The following MUC3A variants were observed in gnomAD, a reference collection of about 807,000 sequenced individuals.
The protein encoded by MUC3A is mucin 3A, cell surface associated.
MUC3A carries 109 observed loss-of-function variants against 109.0 expected under a neutral mutation model. The ratio of observed to expected loss-of-function variants is 1.00; its 90% CI spans 0.86 to 1.17. The LOEUF is 1.17. MUC3A is among the 50% of genes most tolerant of loss of function. MUC3A has a pLI of 0.00. For missense variants in MUC3A, 3,537 were observed against 2,469.4 expected, an observed-to-expected ratio of 1.43 and a Z score of -9.16; for synonymous variants, 1,398 against 981.4, an observed-to-expected ratio of 1.42 and a Z score of -7.93.
intron 1 of MUC3A, among the ~76,000 whole-genome samples, 168 bp downstream of exon 1, chr7:100,949,853 G>A (rs62483689): frequency 0.88 from 131,212 of 149,088 alleles, 56,847 homozygotes; most frequent in East Asian, 1. Flanking sequence ...GGAGGGGGCG[G>A]TGAGGAGAGG....
At position 100,966,728 on chromosome 7, in the gene MUC3A, G is replaced by C. The variant is rs767267111; in HGVS notation, c.9862G>C (p.Glu3288Gln). The C allele has an allele frequency of 1.3e-6, 2 of 1,598,554 alleles. No homozygotes were observed. Among genetic ancestry groups the C allele is most frequent in the Non-Finnish European group, 1.7e-6 (2 of 1,179,832 alleles). ...VVGTFSNWGF[E>Q]DDGTDKDTNF... ...GGGCACTTTTTCAAACTGGGGTTTC[G>C]AGGACGACGGAACAGGTGAGTCCTG... Residue 3288 changes from glutamate to glutamine, a missense_variant, in exon 10 of 12, where the codon GAG becomes CAG. Coordinates refer to ENST00000379458, the MANE Select transcript of MUC3A (RefSeq NM_005960.2).
chr7:100,960,020 T>C lies in MUC3A; in HGVS notation c.8241T>C (p.Ser2747=), dbSNP rs113329327. ...ATTSTSSTSS[S]LTTALTEITP... ...CCAGCACTTCTTCAACCAGCTCCTC[T>C]CTGACCACAGCTCTCACTGAAATAA... The change falls in exon 2 of 12, where the codon TCT becomes TCC. Residue 2747 remains serine (S), a synonymous_variant. Transcript: ENST00000379458. 0.034 allele frequency: 50,745 copies of C among 1,490,928 alleles called. No homozygotes were observed. The highest frequency in any genetic ancestry group is 0.26 in the African/African-American group (17,175 of 66,146). The allele number at this position is 1,490,928 out of a possible 1,614,324, so 92.4% of individuals were successfully genotyped here.
In MUC3A at chr7:100,961,696, C is replaced by G. The variant is rs532592050; in HGVS notation, c.9052+759C>G. Among the ~76,000 whole-genome samples the G allele has an allele frequency of 2.6e-5, 4 of 152,420 alleles. No homozygotes were observed. In the East Asian group the frequency reaches 7.7e-4, roughly 29 times the overall value. ...GGGCATGGTGGCAGATGCCTAAATC[C>G]TCACTATTCAGGAGGCTGAGGCAGG... is the stretch of plus-strand genomic sequence containing the variant. On this transcript the variant is annotated intron_variant, in intron 3 of 11. Transcript: ENST00000379458.
chr7:100,952,478 T>G lies in MUC3A; in HGVS notation c.699T>G (p.Thr233=). 1 of 1,598,498 alleles carries G rather than the reference T, an allele frequency of 6.3e-7. No individual in the cohort carries two copies. Among genetic ancestry groups the G allele is most frequent in the African/African-American group, 1.3e-5 (1 of 75,074 alleles). The part of the protein sequence containing the change: ...TRTTERTPLP[T]GSIHTTTSPT... ...CCACAGAAAGGACTCCCCTGCCCACTGGAAGCATCCATACAACCACGTCCC... is the reference window on the plus strand; with the variant it reads ...CCACAGAAAGGACTCCCCTGCCCACGGGAAGCATCCATACAACCACGTCCC... Residue 233 remains threonine, a synonymous_variant, in exon 2 of 12, where the codon ACT becomes ACG. Transcript: ENST00000379458.
At position 100,966,569 on chromosome 7, in the gene MUC3A, C is replaced by CGGGGGGT; in HGVS notation, c.9785+16_9785+17insTGGGGGG. 6.6e-7 allele frequency: 1 copy of CGGGGGGT among 1,504,734 alleles called. No individual in the cohort carries two copies. The highest frequency in any genetic ancestry group is 8.8e-7 in the Non-Finnish European group (1 of 1,135,814). 93.2% of individuals were successfully genotyped at this position (1,504,734 alleles called of 1,614,324 possible). ...GCCAGCGCCGAGGCCGGTGAGCGTG[C>CGGGGGGT]GGGGGGCGGGGCCGGGGGGCGAGGG... On this transcript the variant is annotated intron_variant, in intron 9 of 11. Coordinates refer to ENST00000379458, the MANE Select transcript of MUC3A (RefSeq NM_005960.2).
Position 100,959,961 on chromosome 7 carries a change from A to G in MUC3A, c.8182A>G (p.Thr2728Ala), listed in dbSNP as rs752069677. ...AGAAAATGTGGGCTCCGCTTCTATC[A>G]CAGGCTTTCCTAGTCTCTCTTCCTC... ...STENVGSASI[T>A]GFPSLSSSAT... Residue 2728 changes from threonine to alanine, a missense_variant, in exon 2 of 12, where the codon ACA becomes GCA. Thr to Ala is a moderately conservative substitution (Grantham distance 58). Coordinates refer to ENST00000379458, the MANE Select transcript of MUC3A (RefSeq NM_005960.2). The G allele has an allele frequency of 6.6e-6, 10 of 1,509,936 alleles. No homozygotes were observed. Among genetic ancestry groups the G allele is most frequent in the South Asian group, 1.3e-5 (1 of 74,812 alleles). The allele number at this position is 1,509,936 out of a possible 1,614,324, so 93.5% of individuals were successfully genotyped here.
At chr7:100,966,605 G>A (rs777297420) in intron 9 of MUC3A, 46 bp downstream of exon 9, 327 of 1,597,646 alleles carry the variant, frequency 2.0e-4, no homozygotes, top group Non-Finnish European at 3.0e-5. Flanking sequence ...CAGCCAAGGG[G>A]TCCCAGGCGG....
In MUC3A at chr7:100,952,384, C is replaced by T; in HGVS notation, c.605C>T (p.Thr202Ile). Residue 202 changes from threonine to isoleucine, a missense_variant, in exon 2 of 12, where the codon ACA (threonine) becomes ATA (isoleucine). Thr to Ile is a moderately conservative substitution (Grantham distance 89). Transcript: ENST00000379458. ...TTTARETPIV[T>I]VTPSSVSATD... Reference sequence around the variant, plus strand: ...ACTGCAAGGGAAACTCCCATAGTGACAGTGACACCCTCCTCTGTGTCAGCC... The same window carrying T: ...ACTGCAAGGGAAACTCCCATAGTGATAGTGACACCCTCCTCTGTGTCAGCC... The T allele has an allele frequency of 6.3e-7, 1 of 1,598,526 alleles. No individual in the cohort carries two copies. The highest frequency in any genetic ancestry group is 1.3e-5 in the African/African-American group (1 of 75,066).
chr7:100,967,705 C>T lies in MUC3A; in HGVS notation c.*543C>T. The T allele has an allele frequency of 4.9e-6, 1 of 204,110 alleles. No individual in the cohort carries two copies. Among genetic ancestry groups the T allele is most frequent in the Non-Finnish European group, 1.0e-5 (1 of 99,998 alleles). The allele number at this position is 204,110 out of a possible 1,614,324, so 12.6% of individuals were successfully genotyped here. ...ATCTAACTCCCTGCTGCATCTCTTGCTCTCATTCCTTAGACGTCCTCCCCT... is the reference window on the plus strand; with the variant it reads ...ATCTAACTCCCTGCTGCATCTCTTGTTCTCATTCCTTAGACGTCCTCCCCT... On this transcript the variant is annotated 3_prime_UTR_variant, in exon 12 of 12. Transcript: ENST00000379458.
intron 8 of MUC3A, 143 bp from the exon 9 acceptor site, chr7:100,966,243 A>AGACCCGCCCGCTTG: frequency 1.2e-6 from 1 of 827,614 alleles, no homozygotes; most frequent in Non-Finnish European, 1.6e-6. Flanking sequence ...TCTAGGGTGG[A>AGACCCGCCCGCTTG]TTCCCAGCCC....
Position 100,952,368 on chromosome 7 carries a change from GA to G in MUC3A, c.592del (p.Thr198LeufsTer3). ...TTCTCCCTCTACCACCACTGCAAGG[GA>G]AACTCCCATAGTGACAGTGACACCC... Reference protein sequence around the residue: ...TSSPSTTTARETPIVTVTPSS... With the variant: ...TSSPSTTTARXTPIVTVTPSS... On this transcript the variant is annotated frameshift_variant, in exon 2 of 12. Transcript: ENST00000379458. LOFTEE classifies it high-confidence loss of function. 6.3e-7 allele frequency: 1 copy of G among 1,598,520 alleles called. No homozygotes were observed. The highest frequency in any genetic ancestry group is 8.5e-7 in the Non-Finnish European group (1 of 1,179,766).
At chr7:100,949,831 G>T (rs1201685472) in intron 1 of MUC3A, 146 bp downstream of exon 1, 1 of 609,672 alleles carries the variant, frequency 1.6e-6, no homozygotes, top group Non-Finnish European at 2.3e-6. Context: ...ACCGAGGCAC[G>T]GCCTGACTGG....
At position 100,960,123 on chromosome 7, in the gene MUC3A, C is replaced by A. The variant is rs776677249; in HGVS notation, c.8344C>A (p.Pro2782Thr). The A allele has an allele frequency of 1.6e-4, 246 of 1,543,064 alleles. No individual in the cohort carries two copies. The highest frequency in any genetic ancestry group is 2.1e-4 in the Non-Finnish European group (240 of 1,151,230). Residue 2782 changes from proline (P) to threonine (T), a missense_variant, in exon 2 of 12, where the codon CCC becomes ACC. Coordinates refer to ENST00000379458, the MANE Select transcript of MUC3A (RefSeq NM_005960.2). ...AACAATTACCATAGTCCCTGCCTCC[C>A]CCACTGATCCATGTGTTGAAATGGA... ...TITITIVPAS[P>T]TDPCVEMDPS...
chr7:100,963,742 C>T lies in MUC3A; in HGVS notation c.9223C>T (p.Leu3075=). ...CTTCACCTTCAAGGGTGTGGAGATC[C>T]TGTCCCTGAGGTAGGAGACCCATCT... ...QGFTFKGVEI[L]SLRNGSIVVD... is the part of the protein sequence containing the mutation. Residue 3075 remains leucine, a synonymous_variant, in exon 5 of 12, where the codon CTG becomes TTG. Transcript: ENST00000379458. 6.3e-7 allele frequency: 1 copy of T among 1,598,568 alleles called. No homozygotes were observed. Among genetic ancestry groups the T allele is most frequent in the South Asian group, 1.1e-5 (1 of 91,090 alleles).
chr7:100,962,739 A>G (rs1297028515), intron 3 of MUC3A, among the ~76,000 whole-genome samples: 1 of 121,040 alleles, frequency 8.3e-6, no homozygotes, highest in East Asian at 2.4e-4. Context: ...TCTTTCCCTC[A>G]TCTTCACACA....
In MUC3A at chr7:100,963,564, C is replaced by A. The variant is rs1047416219; in HGVS notation, c.9169-124C>A. ...CCTCCCAAAGTGTTGGGATTACAGG[C>A]GTGAGCCACGGCACCCGGCCGGGGA... On this transcript the variant is annotated intron_variant, in intron 4 of 11. Transcript: ENST00000379458. 3 of 1,444,460 alleles carry A rather than the reference C, an allele frequency of 2.1e-6. No individual in the cohort carries two copies. In the East Asian group the frequency reaches 7.1e-5, roughly 34 times the overall value. 89.5% of individuals were successfully genotyped at this position (1,444,460 alleles called of 1,614,324 possible).
chr7:100,956,773 C>T lies in MUC3A; in HGVS notation c.4994C>T (p.Ser1665Phe), dbSNP rs1792107682. ...TSFPVTHSFS[S>F]SMSASSVGTT... ...TTTCCAGTGACACATTCATTTTCCTCTTCCATGTCTGCCAGCAGTGTAGGG... is the reference window on the plus strand; with the variant it reads ...TTTCCAGTGACACATTCATTTTCCTTTTCCATGTCTGCCAGCAGTGTAGGG... The change falls in exon 2 of 12, where the codon TCT (serine) becomes TTT (phenylalanine). Residue 1665 changes from serine (S) to phenylalanine (F), a missense_variant. Physicochemically the swap from Ser to Phe is radical, Grantham distance 155. Transcript: ENST00000379458. The T allele has an allele frequency of 4.8e-6, 2 of 412,778 alleles. No individual in the cohort carries two copies. Among genetic ancestry groups the T allele is most frequent in the Non-Finnish European group, 8.5e-6 (2 of 236,094 alleles). The allele number at this position is 412,778 out of a possible 1,614,324, so 25.6% of individuals were successfully genotyped here. A position where few individuals can be genotyped will look rare whatever the true frequency, so the allele number is the denominator to read the frequency against.
Position 100,958,620 on chromosome 7 carries a change from G to A in MUC3A, c.6841G>A (p.Glu2281Lys), listed in dbSNP as rs532654719. ...CTTCACTTCTTCAATCACCACCAGTGAGACCCCCTCACACAGTACTCCCAG... is the reference window on the plus strand; with the variant it reads ...CTTCACTTCTTCAATCACCACCAGTAAGACCCCCTCACACAGTACTCCCAG... ...PSFTSSITTS[E>K]TPSHSTPSST... The change falls in exon 2 of 12, where the codon GAG (glutamate) becomes AAG (lysine). Residue 2281 changes from glutamate (E) to lysine (K), a missense_variant. Coordinates refer to ENST00000379458, the MANE Select transcript of MUC3A (RefSeq NM_005960.2). 4.4e-6 allele frequency: 5 copies of A among 1,136,626 alleles called. No homozygotes were observed. The highest frequency in any genetic ancestry group is 2.7e-4 in the Middle Eastern group (1 of 3,668). The allele number at this position is 1,136,626 out of a possible 1,614,324, so 70.4% of individuals were successfully genotyped here. A position where few individuals can be genotyped will look rare whatever the true frequency, so the allele number is the denominator to read the frequency against.
chr7:100,959,874 A>G lies in MUC3A; in HGVS notation c.8095A>G (p.Ile2699Val), dbSNP rs748319946. 38 of 1,555,548 alleles carry G rather than the reference A, an allele frequency of 2.4e-5. No homozygotes were observed. The highest frequency in any genetic ancestry group is 2.0e-4 in the East Asian group (9 of 44,636). The change falls in exon 2 of 12, where the codon ATA becomes GTA. Residue 2699 changes from isoleucine (I) to valine (V), a missense_variant. Physicochemically the swap from Ile to Val is conservative, Grantham distance 29. Coordinates refer to ENST00000379458, the MANE Select transcript of MUC3A (RefSeq NM_005960.2). Reference sequence around the variant, plus strand: ...GTCCTCTTCTCCATCTTCTGCCAGCATAACTCCAGTGTTTTCCACTACCAT... The same window carrying G: ...GTCCTCTTCTCCATCTTCTGCCAGCGTAACTCCAGTGTTTTCCACTACCAT... Reference protein sequence around the residue: ...IMSSSPSSASITPVFSTTIHS... With the variant: ...IMSSSPSSASVTPVFSTTIHS...
Sources: allele counts gnomAD v4.1 joint callset (sites outside exome capture counted in the v4.1 genomes callset), GRCh38; gene constraint gnomAD v4.1.1; transcripts MANE v1.5; gene names NCBI Gene and HGNC (gene_info 2026-07-23, HGNC 2026-07-21).